TUSC3: variants seen among roughly 807,000 people sequenced by gnomAD.
TUSC3 encodes tumor suppressor candidate 3.
TUSC3 carries 45 observed loss-of-function variants against 44.8 expected under a neutral mutation model. The observed-to-expected ratio is 1.00, with a 90% confidence interval of 0.79 to 1.29. The LOEUF is 1.29. Among genes scored for constraint, TUSC3 ranks in the 50% most tolerant of loss-of-function variants. The probability of loss-of-function intolerance (pLI) is 0.00; values close to 1 mark genes in which losing one functional copy is unlikely to be tolerated. For missense variants in TUSC3, 519 were observed against 437.9 expected, an observed-to-expected ratio of 1.19 and a Z score of -1.65; for synonymous variants, 212 against 152.9, an observed-to-expected ratio of 1.39 and a Z score of -2.85.
At chr8:15,516,703 G>C (rs1431464712) in intron 2 of TUSC3, among the ~76,000 whole-genome samples, 1 of 152,062 alleles carries the variant, frequency 6.6e-6, no homozygotes, top group Non-Finnish European at 1.5e-5. Flanking sequence ...GCCATATTTA[G>C]ACAAATTAAT....
the TUSC3 span, among the ~76,000 whole-genome samples, chr8:15,848,210 C>T: frequency 2.0e-4 from 31 of 152,250 alleles, no homozygotes; most frequent in Middle Eastern, 3.4e-3. Flanking sequence ...CATGGATCAA[C>T]GACCTGCTTT....
intron 1 of TUSC3, among the ~76,000 whole-genome samples, chr8:15,544,514 C>G (rs1019747093): frequency 6.6e-6 from 1 of 151,726 alleles, no homozygotes; most frequent in Non-Finnish European, 1.5e-5. Context: ...TCTAAGCGAT[C>G]AATTGTTTGA....
Position 15,469,108 on chromosome 8 carries a change from T to C in TUSC3, n.92-14278T>C, listed in dbSNP as rs557558086. Among the ~76,000 whole-genome samples the C allele has an allele frequency of 1.4e-4, 22 of 152,268 alleles. 1 individual carries two copies. Among genetic ancestry groups the C allele is most frequent in the African/African-American group, 5.1e-4 (21 of 41,564 alleles). The stretch of plus-strand genomic sequence containing the variant: ...TGGAGATAATGAGCTTCTCAAGCGA[T>C]AATGAAGCAATTTGAACCACCAAAG... On this transcript the variant is annotated intron_variant and non_coding_transcript_variant, in intron 1 of 5. Coordinates refer to the TUSC3 transcript ENST00000503191.
At chr8:15,482,778 T>C (rs184872969) in intron 1 of TUSC3, among the ~76,000 whole-genome samples, 169 of 152,314 alleles carry the variant, frequency 1.1e-3, no homozygotes, top group African/African-American at 3.9e-3. Context: ...CAGAAATTCC[T>C]ATGAATGGGA....
intron 1 of TUSC3, among the ~76,000 whole-genome samples, chr8:15,619,377 A>G (rs1181547476): frequency 6.6e-6 from 1 of 152,218 alleles, no homozygotes; most frequent in Non-Finnish European, 1.5e-5. Flanking sequence ...TTTCTCATTT[A>G]TAATTGCTCT....
chr8:15,449,470 G>C (rs1800164248), intron 1 of TUSC3, among the ~76,000 whole-genome samples: 2 of 152,150 alleles, frequency 1.3e-5, no homozygotes, highest in Non-Finnish European at 2.9e-5. Flanking sequence ...TACCAGGAAG[G>C]AATGCTGGTC....
intron 2 of TUSC3, among the ~76,000 whole-genome samples, chr8:15,626,418 G>C (rs187625502): frequency 1.6e-3 from 239 of 152,352 alleles, no homozygotes; most frequent in African/African-American, 5.6e-3. Flanking sequence ...CATAGAGCCA[G>C]TGGGAGCGGG....
chr8:15,791,648 A>C, the TUSC3 span, among the ~76,000 whole-genome samples: 2 of 152,250 alleles, frequency 1.3e-5, no homozygotes, highest in African/African-American at 4.8e-5. Context: ...TCAAATACAA[A>C]ACCATTTCCT....
the TUSC3 span, among the ~76,000 whole-genome samples, chr8:15,833,194 A>G: frequency 6.6e-6 from 1 of 152,296 alleles, no homozygotes; most frequent in Admixed American, 6.5e-5. Flanking sequence ...GCTCTTGCTA[A>G]AAAGTCAAAA....
intron 6 of TUSC3, among the ~76,000 whole-genome samples, chr8:15,724,296 T>G (rs1001862166): frequency 2.6e-5 from 4 of 152,130 alleles, no homozygotes; most frequent in African/African-American, 9.7e-5. Context: ...CTATGGTATT[T>G]TGTTAGGGCA....
At chr8:15,458,480 C>G (rs1264067052) in intron 1 of TUSC3, among the ~76,000 whole-genome samples, 1 of 152,116 alleles carries the variant, frequency 6.6e-6, no homozygotes, top group African/African-American at 2.4e-5. Context: ...CTCAAGTGAT[C>G]CACCCACCTC....
At chr8:15,630,847 A>G (rs1805730260) in intron 2 of TUSC3, among the ~76,000 whole-genome samples, 2 of 152,204 alleles carry the variant, frequency 1.3e-5, no homozygotes, top group Admixed American at 6.5e-5. Flanking sequence ...AAAAGAGCCT[A>G]TCACCCTTTT....
intron 6 of TUSC3, among the ~76,000 whole-genome samples, chr8:15,703,362 AT>A (rs1234816278): frequency 1.3e-5 from 2 of 152,018 alleles, no homozygotes; most frequent in Non-Finnish European, 2.9e-5. Context: ...CTAAGTGGGA[AT>A]TTTTTCTTCA....
intron 1 of TUSC3, among the ~76,000 whole-genome samples, chr8:15,596,716 A>T (rs1585137578): frequency 6.6e-6 from 1 of 151,688 alleles, no homozygotes; most frequent in Non-Finnish European, 1.5e-5. Flanking sequence ...AGAGTGGGAG[A>T]TGTGGTGTGG....
intron 1 of TUSC3, among the ~76,000 whole-genome samples, chr8:15,566,890 C>T (rs1007524810): frequency 4.6e-5 from 7 of 152,090 alleles, no homozygotes; most frequent in African/African-American, 1.4e-4. Flanking sequence ...GCTTCGGCCT[C>T]CCAAACCATT....
intron 1 of TUSC3, among the ~76,000 whole-genome samples, chr8:15,433,622 G>T (rs372274417): frequency 6.6e-6 from 1 of 151,748 alleles, no homozygotes; most frequent in African/African-American, 2.4e-5. Flanking sequence ...CAGGGCTTAA[G>T]CGTTCCTCTG....
chr8:15,498,869 C>G (rs1330242531), intron 2 of TUSC3, among the ~76,000 whole-genome samples: 1 of 152,180 alleles, frequency 6.6e-6, no homozygotes, highest in Non-Finnish European at 1.5e-5. Flanking sequence ...TGTGTATAGT[C>G]TAATCAGTAC....
At chr8:15,699,702 GA>G (rs1563179836) in intron 6 of TUSC3, among the ~76,000 whole-genome samples, 1 of 152,146 alleles carries the variant, frequency 6.6e-6, no homozygotes, top group Non-Finnish European at 1.5e-5. Context: ...AAAGCCATTG[GA>G]ATACTTTGTT....
chr8:15,763,669 T>TA (rs1812242783), intron 10 of TUSC3, among the ~76,000 whole-genome samples: 1 of 152,094 alleles, frequency 6.6e-6, no homozygotes, highest in South Asian at 2.1e-4. Flanking sequence ...ATAACATAGT[T>TA]ATCTTTTACT....
Sources: allele counts gnomAD v4.1 joint callset (sites outside exome capture counted in the v4.1 genomes callset), GRCh38; gene constraint gnomAD v4.1.1; transcripts MANE v1.5; gene names NCBI Gene and HGNC (gene_info 2026-07-23, HGNC 2026-07-21).